Variants in G6PC1 observed in about 807,000 individuals in gnomAD.
G6PC1 encodes glucose-6-phosphatase catalytic subunit 1, also known as G-6-Pase.
In G6PC1, 23 loss-of-function variants were observed where a neutral mutation model predicts 30.4. The ratio of observed to expected loss-of-function variants is 0.76; its 90% CI spans 0.55 to 1.07. The LOEUF (loss-of-function observed/expected upper bound fraction) is 1.07. Among genes scored for constraint, G6PC1 ranks in the 50% least tolerant of loss-of-function variants. The pLI, the probability that G6PC1 is intolerant of heterozygous loss-of-function variation, is 0.00. For missense variants in G6PC1, 391 were observed against 433.9 expected, an observed-to-expected ratio of 0.90 and a Z score of 0.88; for synonymous variants, 163 against 175.6, an observed-to-expected ratio of 0.93 and a Z score of 0.57.
Position 42,911,919 on chromosome 17 carries a change from GACTT to G in G6PC1, c.*499_*502del, listed in dbSNP as rs1363904191. 5.9e-6 allele frequency: 1 copy of G among 169,344 alleles called. No homozygotes were observed. Among genetic ancestry groups the G allele is most frequent in the Non-Finnish European group, 1.3e-5 (1 of 77,988 alleles). 10.5% of individuals were successfully genotyped at this position (169,344 alleles called of 1,614,324 possible). A position where few individuals can be genotyped will look rare whatever the true frequency, so the allele number is the denominator to read the frequency against. On this transcript the variant is annotated 3_prime_UTR_variant, in exon 5 of 5. Coordinates refer to ENST00000253801, the MANE Select transcript of G6PC1 (RefSeq NM_000151.4). ...GGGTTGTTCTGGATTTTCCCCTGAA[GACTT>G]ACTTATTCTTCCGTCACATATACAA...
chr17:42,903,583 A>C (rs1329524579), intron 1 of G6PC1, among the ~76,000 whole-genome samples: 1 of 151,716 alleles, frequency 6.6e-6, no homozygotes, highest in African/African-American at 2.4e-5. Context: ...ATGTGGTGGC[A>C]CACACCTGTA....
In G6PC1 at chr17:42,912,179, G is replaced by A. The variant is rs2056100545; in HGVS notation, c.*753G>A. The stretch of plus-strand genomic sequence containing the variant: ...ATAGTAATGCACTCTCAGTAATGGG[G>A]GACCAGCTTAAGTATAATTAATAGA... On this transcript the variant is annotated 3_prime_UTR_variant, in exon 5 of 5. Coordinates refer to ENST00000253801, the MANE Select transcript of G6PC1 (RefSeq NM_000151.4). The A allele has an allele frequency of 6.6e-6, 1 of 152,390 alleles. No individual in the cohort carries two copies. The highest frequency in any genetic ancestry group is 2.4e-5 in the African/African-American group (1 of 41,438). 9.4% of individuals were successfully genotyped at this position (152,390 alleles called of 1,614,324 possible).
chr17:42,908,654 C>G (rs1042967930), intron 3 of G6PC1, among the ~76,000 whole-genome samples: 1 of 150,324 alleles, frequency 6.7e-6, no homozygotes, highest in Non-Finnish European at 1.5e-5. Flanking sequence ...ATCCATCCGC[C>G]TCAGCCTCCC....
intron 1 of G6PC1, among the ~76,000 whole-genome samples, chr17:42,903,580 G>A (rs1414182612): frequency 6.6e-6 from 1 of 151,894 alleles, no homozygotes; most frequent in Admixed American, 6.6e-5. Context: ...TGGATGTGGT[G>A]GCACACACCT....
chr17:42,909,179 T>G, intron 3 of G6PC1, 124 bp from the exon 4 acceptor site: 1 of 812,376 alleles, frequency 1.2e-6, no homozygotes. Context: ...AGTACTGGCT[T>G]TAATTTACAA....
rs751959283 is a variant in G6PC1 at position 42,901,096 on chromosome 17, G to A, written c.220G>A (p.Val74Ile). 66 of 1,613,126 alleles carry A rather than the reference G, an allele frequency of 4.1e-5. No homozygotes were observed. In the Admixed American group the frequency reaches 6.0e-4, roughly 15 times the overall value. The part of the protein sequence containing the change: ...VAVIGDWLNL[V>I]FKWILFGQRP... ...TGTGATTGGAGACTGGCTCAACCTC[G>A]TCTTTAAGTGGTAAGAACCATATAG... is the stretch of plus-strand genomic sequence containing the variant. The change falls in exon 1 of 5, where the codon GTC (valine) becomes ATC (isoleucine). Residue 74 changes from valine to isoleucine, a missense_variant. By Grantham distance (29) the Val-to-Ile change is conservative (BLOSUM62 3). Coordinates refer to ENST00000253801, the MANE Select transcript of G6PC1 (RefSeq NM_000151.4).
In G6PC1 at chr17:42,903,992, TC is replaced by T; in HGVS notation, c.294del (p.Val99CysfsTer3). On this transcript the variant is annotated frameshift_variant, in exon 2 of 5. Transcript: ENST00000253801. LOFTEE classifies it high-confidence loss of function. ...VLDTDYYSNT[S>X]VPLIKQFPVT... ...GGATACTGACTACTACAGCAACACT[TC>T]CGTGCCCCTGATAAAGCAGTTCCCT... 6.2e-7 allele frequency: 1 copy of T among 1,614,104 alleles called. No homozygotes were observed. Among genetic ancestry groups the T allele is most frequent in the Non-Finnish European group, 8.5e-7 (1 of 1,179,978 alleles).
chr17:42,908,453 C>T (rs1217190937), intron 3 of G6PC1, among the ~76,000 whole-genome samples: 1 of 150,358 alleles, frequency 6.7e-6, no homozygotes. Flanking sequence ...GTTGCCCAGG[C>T]TGGAGTGCAG....
intron 1 of G6PC1, among the ~76,000 whole-genome samples, chr17:42,902,662 T>C (rs1427785154): frequency 1.3e-5 from 2 of 152,210 alleles, no homozygotes; most frequent in African/African-American, 4.8e-5. Flanking sequence ...CTCTCCCTGA[T>C]TTCGGTGAGA....
chr17:42,907,719 C>T lies in G6PC1; in HGVS notation c.446+91C>T, dbSNP rs36031531. ...ACCACGTATTCTTCCTCACATCCCCCTAGCCCGCTCCCACACCTGGGCAGC... is the reference window on the plus strand; with the variant it reads ...ACCACGTATTCTTCCTCACATCCCCTTAGCCCGCTCCCACACCTGGGCAGC... On this transcript the variant is annotated intron_variant, in intron 3 of 4. Transcript: ENST00000253801. 7.9e-6 allele frequency: 7 copies of T among 880,610 alleles called. No individual in the cohort carries two copies. The East Asian group carries it at 1.8e-4, about 23-fold the overall frequency. The allele number at this position is 880,610 out of a possible 1,614,324, so 54.5% of individuals were successfully genotyped here.
In G6PC1 at chr17:42,913,873, G is replaced by T. The variant is rs1371034188; in HGVS notation, c.*2447G>T. 1.3e-5 allele frequency among the ~76,000 whole-genome samples: 2 copies of T among 152,156 alleles called. No individual in the cohort carries two copies. Among genetic ancestry groups the T allele is most frequent in the Admixed American group, 6.5e-5 (1 of 15,282 alleles). ...GCTATTGCAGGTTTCTCTGCTAAGA[G>T]ATTTATTTCATCCTGGGTGCAGGGT... is the stretch of plus-strand genomic sequence containing the variant. On this transcript the variant is annotated 3_prime_UTR_variant, in exon 5 of 5. Coordinates refer to ENST00000253801, the MANE Select transcript of G6PC1 (RefSeq NM_000151.4).
chr17:42,902,883 T>TG (rs201953769), intron 1 of G6PC1, among the ~76,000 whole-genome samples: 118 of 151,640 alleles, frequency 7.8e-4, no homozygotes, highest in South Asian at 3.1e-3. Context: ...CATGTTTCCC[T>TG]GGGGGGGGCT....
chr17:42,907,501 C>T, intron 2 of G6PC1, 22 bp from the exon 3 acceptor site: 5 of 1,555,850 alleles, frequency 3.2e-6, no homozygotes, highest in East Asian at 2.2e-5. Context: ...ACCTTTACTC[C>T]ATTCTCTTTC....
At position 42,900,820 on chromosome 17, in the gene G6PC1, C is replaced by A. The variant is rs1048089978; in HGVS notation, c.-57C>A. 4.2e-6 allele frequency: 6 copies of A among 1,424,980 alleles called. No homozygotes were observed. The highest frequency in any genetic ancestry group is 5.9e-6 in the Non-Finnish European group (6 of 1,012,656). The allele number at this position is 1,424,980 out of a possible 1,614,324, so 88.3% of individuals were successfully genotyped here. On this transcript the variant is annotated 5_prime_UTR_variant, in exon 1 of 5. Transcript: ENST00000253801. ...TCATAGCAGAGCAATCACCACCAAG[C>A]CTGGAATAACTGCAAGGGCTCTGCT...
intron 1 of G6PC1, among the ~76,000 whole-genome samples, chr17:42,903,245 C>T (rs1360171868): frequency 6.6e-6 from 1 of 151,966 alleles, no homozygotes; most frequent in African/African-American, 2.4e-5. Context: ...CCACATCTGG[C>T]TAATTCTTTA....
In G6PC1 at chr17:42,909,345, G is replaced by A. The variant is rs1567705651; in HGVS notation, c.489G>A (p.Gln163=). ...TGTGGTTGGGATTCTGGGCTGTGCA[G>A]CTGAATGTCTGTCTGTCACGAATCT... ...VILWLGFWAV[Q]LNVCLSRIYL... is the part of the protein sequence containing the mutation. Residue 163 remains glutamine, a synonymous_variant, in exon 4 of 5, where the codon CAG becomes CAA. Transcript: ENST00000253801. The A allele has an allele frequency of 6.2e-7, 1 of 1,614,202 alleles. No individual in the cohort carries two copies. The highest frequency in any genetic ancestry group is 1.1e-5 in the South Asian group (1 of 91,086).
intron 1 of G6PC1, among the ~76,000 whole-genome samples, chr17:42,903,251 C>A (rs2056038384): frequency 6.6e-6 from 1 of 151,832 alleles, no homozygotes; most frequent in African/African-American, 2.4e-5. Context: ...CTGGCTAATT[C>A]TTTATATTTT....
intron 1 of G6PC1, among the ~76,000 whole-genome samples, chr17:42,902,657 C>T (rs115991884): frequency 0.021 from 3,264 of 152,210 alleles, 107 homozygotes; most frequent in African/African-American, 0.073. Flanking sequence ...AGTGGCTCTC[C>T]CTGATTTCGG....
intron 4 of G6PC1, among the ~76,000 whole-genome samples, chr17:42,910,012 C>T (rs1056110522): frequency 4.0e-5 from 6 of 151,878 alleles, no homozygotes; most frequent in Admixed American, 2.0e-4. Context: ...TACAGGCGCC[C>T]GCCACCATGC....
Sources: gnomAD v4.1 joint callset for allele counts (sites outside exome capture counted in the v4.1 genomes callset) on GRCh38, gnomAD v4.1.1 for gene constraint, MANE v1.5 for transcripts, NCBI Gene and HGNC (gene_info 2026-07-23, HGNC 2026-07-21) for gene names.